The following FANCL variants were observed in gnomAD, a reference collection of about 807,000 sequenced individuals.
FANCL encodes the protein E3 ubiquitin-protein ligase FANCL.
In FANCL, 69 loss-of-function variants were observed where a neutral mutation model predicts 59.4. The ratio of observed to expected loss-of-function variants is 1.16; its 90% CI spans 0.96 to 1.42. FANCL has a LOEUF of 1.42. FANCL is among the 40% of genes most tolerant of loss of function. FANCL has a pLI of 0.00. For synonymous variants in FANCL, 180 were observed against 147.1 expected (o/e 1.22, Z -1.62); for missense variants, 519 against 447.2 (o/e 1.16, Z -1.45).
intron 7 of FANCL, among the ~76,000 whole-genome samples, chr2:58,166,606 C>A (rs1189824648): frequency 6.6e-6 from 1 of 152,110 alleles, no homozygotes; most frequent in Non-Finnish European, 1.5e-5. Flanking sequence ...TTAAAAGATA[C>A]AACTGCTTAC....
chr2:58,159,785 T>C lies in FANCL; in HGVS notation c.1108A>G (p.Met370Val). 1.2e-6 allele frequency: 2 copies of C among 1,613,120 alleles called. No individual in the cohort carries two copies. Among genetic ancestry groups the C allele is most frequent in the South Asian group, 2.2e-5 (2 of 91,002 alleles). The part of the protein sequence containing the change: ...PYCSKPITLK[M>V]SGRKH ...TTATTTCAGTGTTTCCTTCCAGACA[T>C]TTTTAAGGTAATTGGCTTTAAAAAG... The change falls in exon 14 of 14, where the codon ATG (methionine) becomes GTG (valine). Residue 370 changes from methionine (M) to valine (V), a missense_variant. Coordinates refer to ENST00000233741, the MANE Select transcript of FANCL (RefSeq NM_018062.4).
Position 58,219,454 on chromosome 2 carries a change from G to A in FANCL, c.374+2488C>T, listed in dbSNP as rs144032812. Among the ~76,000 whole-genome samples the A allele has an allele frequency of 2.4e-3, 361 of 151,740 alleles. 1 individual carries two copies. Among genetic ancestry groups the A allele is most frequent in the Middle Eastern group, 6.8e-3 (2 of 292 alleles). ...ACTGTGCCCTAAAGGAGGTGTGAGC[G>A]TAACTGCCCACTCCTGAAGTGTGAG... On this transcript the variant is annotated intron_variant, in intron 5 of 13. Coordinates refer to ENST00000233741, the MANE Select transcript of FANCL (RefSeq NM_018062.4).
intron 12 of FANCL, among the ~76,000 whole-genome samples, chr2:58,161,199 G>T (rs1685108331): frequency 6.6e-6 from 1 of 151,916 alleles, no homozygotes; most frequent in African/African-American, 2.4e-5. Context: ...AACCTATGAA[G>T]CTTACATTGT....
chr2:58,210,193 A>G (rs1690994471), intron 5 of FANCL, among the ~76,000 whole-genome samples: 1 of 152,230 alleles, frequency 6.6e-6, no homozygotes, highest in South Asian at 2.1e-4. Context: ...GCTAAGACAC[A>G]CCCAAGACTT....
intron 7 of FANCL, among the ~76,000 whole-genome samples, chr2:58,168,989 A>G (rs1466286155): frequency 6.6e-6 from 1 of 152,196 alleles, no homozygotes; most frequent in Non-Finnish European, 1.5e-5. Flanking sequence ...CCTGGGACAG[A>G]GCACGTGGGG....
chr2:58,225,057 G>A (rs1241628666), intron 4 of FANCL, among the ~76,000 whole-genome samples: 1 of 151,434 alleles, frequency 6.6e-6, no homozygotes, highest in Non-Finnish European at 1.5e-5. Flanking sequence ...AATGAACCTG[G>A]GGCAACTGGT....
chr2:58,166,263 T>C (rs939357756), intron 7 of FANCL, among the ~76,000 whole-genome samples: 1 of 152,110 alleles, frequency 6.6e-6, no homozygotes, highest in Non-Finnish European at 1.5e-5. Context: ...AGTATGAAAA[T>C]CTTAATTTCA....
chr2:58,200,298 A>G (rs754060283), intron 6 of FANCL, among the ~76,000 whole-genome samples: 98 of 152,188 alleles, frequency 6.4e-4, no homozygotes, highest in Middle Eastern at 3.4e-3. Context: ...CTTTGGTTCC[A>G]GCTCTGCTAA....
chr2:58,239,498 C>CA (rs1694318705), intron 1 of FANCL, among the ~76,000 whole-genome samples: 1 of 152,142 alleles, frequency 6.6e-6, no homozygotes, highest in African/African-American at 2.4e-5. Context: ...CCAGGTTAGA[C>CA]ATGACAACTA....
At chr2:58,234,559 A>G (rs1327960447) in intron 1 of FANCL, among the ~76,000 whole-genome samples, 1 of 151,876 alleles carries the variant, frequency 6.6e-6, no homozygotes, top group African/African-American at 2.4e-5. Context: ...CTTGGAAAGA[A>G]AAATAAAATA....
At chr2:58,188,826 T>A (rs912995283) in intron 7 of FANCL, among the ~76,000 whole-genome samples, 2 of 151,228 alleles carry the variant, frequency 1.3e-5, no homozygotes, top group Non-Finnish European at 2.9e-5. Flanking sequence ...AATCTCTAGA[T>A]CAATTTGGAG....
At chr2:58,184,387 G>A (rs949343116) in intron 7 of FANCL, among the ~76,000 whole-genome samples, 1 of 151,996 alleles carries the variant, frequency 6.6e-6, no homozygotes, top group African/African-American at 2.4e-5. Context: ...CTAAAATATG[G>A]GAGAAAAACT....
intron 1 of FANCL, among the ~76,000 whole-genome samples, chr2:58,233,188 C>G (rs1175259256): frequency 6.6e-6 from 1 of 151,974 alleles, no homozygotes; most frequent in Non-Finnish European, 1.5e-5. Flanking sequence ...TTATAGACAT[C>G]CCACACAAAG....
chr2:58,239,596 C>G (rs1195425036), intron 1 of FANCL, among the ~76,000 whole-genome samples: 2 of 152,154 alleles, frequency 1.3e-5, no homozygotes, highest in Non-Finnish European at 2.9e-5. Flanking sequence ...GAAATATGGA[C>G]TCTATCTTAG....
In FANCL at chr2:58,229,806, G is replaced by C. The variant is rs373506534; in HGVS notation, c.216+8C>G. On this transcript the variant is annotated splice_region_variant and intron_variant, in intron 3 of 13. Coordinates refer to ENST00000233741, the MANE Select transcript of FANCL (RefSeq NM_018062.4). ...ACTGAAAACATAAACCTTTTAAAAA[G>C]GACTTACCTGTTGTACTATTCGATG... The C allele has an allele frequency of 2.5e-6, 4 of 1,596,610 alleles. No individual in the cohort carries two copies. In the African/African-American group the frequency reaches 4.0e-5, roughly 16 times the overall value.
In FANCL at chr2:58,229,800, T is replaced by C. The variant is rs766459541; in HGVS notation, c.216+14A>G. On this transcript the variant is annotated intron_variant, in intron 3 of 13. Transcript: ENST00000233741. ...ATCTTCACTGAAAACATAAACCTTT[T>C]AAAAAGGACTTACCTGTTGTACTAT... The C allele has an allele frequency of 2.5e-6, 4 of 1,591,042 alleles. No homozygotes were observed. The African/African-American group carries it at 4.0e-5, about 16-fold the overall frequency.
Position 58,159,505 on chromosome 2 carries a change from T to G in FANCL, c.*260A>C, listed in dbSNP as rs765943099. The G allele has an allele frequency of 3.7e-6, 6 of 1,613,704 alleles. 1 individual carries two copies. In the East Asian group the frequency reaches 6.7e-5, roughly 18 times the overall value. On this transcript the variant is annotated 3_prime_UTR_variant, in exon 14 of 14. Transcript: ENST00000233741. ...TCCAGATATATTCAAGAAGTCAAGA[T>G]CTCCATCTTGGTATAAATACACTTC...
intron 4 of FANCL, 106 bp downstream of exon 4, chr2:58,226,622 G>C (rs1232856931): frequency 4.9e-6 from 4 of 821,520 alleles, no homozygotes; most frequent in East Asian, 2.6e-5. Flanking sequence ...AAATGACTGA[G>C]AGTTAAGAAG....
chr2:58,194,771 A>T (rs1689268662), intron 7 of FANCL, among the ~76,000 whole-genome samples: 1 of 151,914 alleles, frequency 6.6e-6, no homozygotes, highest in Admixed American at 6.6e-5. Context: ...ATAATTATTC[A>T]TCCAAATGAA....
Sources: gnomAD v4.1 joint callset for allele counts (sites outside exome capture counted in the v4.1 genomes callset) on GRCh38, gnomAD v4.1.1 for gene constraint, MANE v1.5 for transcripts, NCBI Gene and HGNC (gene_info 2026-07-23, HGNC 2026-07-21) for gene names.